The following CASR variants were observed in gnomAD, a reference collection of about 807,000 sequenced individuals.
CASR encodes extracellular calcium-sensing receptor.
Under a neutral mutation model 69.1 loss-of-function variants are expected in CASR, and 23 were observed. The observed-to-expected ratio is 0.33, with a 90% CI of 0.24 to 0.47. The LOEUF is 0.47. Among genes scored for constraint, CASR ranks in the 20% least tolerant of loss-of-function variants. The pLI is 1.00. For synonymous variants in CASR, 541 were observed against 544.7 expected, an observed-to-expected ratio of 0.99 and a Z score of 0.10; for missense variants, 924 against 1,356.1, an observed-to-expected ratio of 0.68 and a Z score of 5.00.
At chr3:122,275,784 C>A in intron 4 of CASR, 28 bp from the exon 5 acceptor site, 2 of 1,471,522 alleles carry the variant, frequency 1.4e-6, no homozygotes, top group Non-Finnish European at 1.9e-6. Flanking sequence ...AGCCCTGGGG[C>A]TTGTACTCAT....
intron 1 of CASR, among the ~76,000 whole-genome samples, chr3:122,235,789 T>C (rs1161808413): frequency 3.9e-5 from 6 of 152,206 alleles, no homozygotes; most frequent in African/African-American, 1.4e-4. Context: ...AGTGAGACCA[T>C]GTCTCTAAAA....
chr3:122,267,900 A>G (rs190632883), intron 4 of CASR, among the ~76,000 whole-genome samples: 3 of 152,364 alleles, frequency 2.0e-5, no homozygotes, highest in Non-Finnish European at 4.4e-5. Context: ...CACAAGCATT[A>G]CACATCTCTA....
intron 1 of CASR, among the ~76,000 whole-genome samples, chr3:122,252,409 A>AGGAAAAAGAAAGAAAGAAAAAGAAAG: frequency 1.5e-4 from 1 of 6,474 alleles, no homozygotes; most frequent in East Asian, 9.6e-4. Context: ...GAAGGAAGGA[A>AGGAAAAAGAAAGAAAGAAAAAGAAAG]AAAGAAAGAA....
In CASR at chr3:122,288,449, C is replaced by T. The variant is rs999644530; in HGVS notation, c.*3258C>T. The T allele has an allele frequency of 1.3e-5, 2 of 152,332 alleles. No homozygotes were observed. Among genetic ancestry groups the T allele is most frequent in the Middle Eastern group, 3.4e-3 (1 of 292 alleles). 9.4% of individuals were successfully genotyped at this position (152,332 alleles called of 1,614,324 possible). A position where few individuals can be genotyped will look rare whatever the true frequency, so the allele number is the denominator to read the frequency against. ...TTATAGTAATTTGTTTCAGCAGCAA[C>T]AGAAAACAAATACATTTGTATTGTT... is the stretch of plus-strand genomic sequence containing the variant. On this transcript the variant is annotated 3_prime_UTR_variant, in exon 7 of 7. Transcript: ENST00000639785.
At chr3:122,249,036 C>T (rs1376378474) in intron 1 of CASR, among the ~76,000 whole-genome samples, 15 of 152,236 alleles carry the variant, frequency 9.9e-5, no homozygotes, top group Admixed American at 9.8e-4. Flanking sequence ...AACCATCAGT[C>T]TCGTGGGGTG....
intron 2 of CASR, among the ~76,000 whole-genome samples, chr3:122,256,229 A>C (rs2074552877): frequency 1.3e-5 from 2 of 152,314 alleles, no homozygotes; most frequent in South Asian, 2.1e-4. Flanking sequence ...CAAAAATGAG[A>C]TCATTCACGT....
At chr3:122,282,944 C>T (rs2074910557) in intron 6 of CASR, among the ~76,000 whole-genome samples, 1 of 152,196 alleles carries the variant, frequency 6.6e-6, no homozygotes, top group South Asian at 2.1e-4. Flanking sequence ...AGATCTCTAA[C>T]TCCAAAACCC....
Position 122,261,926 on chromosome 3 carries a change from G to A in CASR, c.891G>A (p.Glu297=). 6.2e-7 allele frequency: 1 copy of A among 1,614,164 alleles called. No individual in the cohort carries two copies. Reference sequence around the variant, plus strand: ...CGGGCAAGATCTGGCTGGCCAGCGAGGCCTGGGCCAGCTCCTCCCTGATCG... The same window carrying A: ...CGGGCAAGATCTGGCTGGCCAGCGAAGCCTGGGCCAGCTCCTCCCTGATCG... ...NITGKIWLAS[E]AWASSSLIAM... The change falls in exon 4 of 7, where the codon GAG becomes GAA. Residue 297 remains glutamate (E), a synonymous_variant. Coordinates refer to ENST00000639785, the MANE Select transcript of CASR (RefSeq NM_000388.4).
intron 1 of CASR, among the ~76,000 whole-genome samples, chr3:122,189,453 T>C (rs1189545702): frequency 6.6e-6 from 1 of 152,226 alleles, no homozygotes; most frequent in Non-Finnish European, 1.5e-5. Flanking sequence ...TTAAGTAACC[T>C]GAATTAATTT....
At chr3:122,249,833 A>T (rs921286556) in intron 1 of CASR, among the ~76,000 whole-genome samples, 7 of 152,204 alleles carry the variant, frequency 4.6e-5, no homozygotes, top group South Asian at 2.1e-4. Flanking sequence ...AGTAAGAAAA[A>T]ATATATATAA....
intron 1 of CASR, among the ~76,000 whole-genome samples, chr3:122,193,506 C>G (rs931471659): frequency 6.6e-6 from 1 of 152,108 alleles, no homozygotes; most frequent in Admixed American, 6.6e-5. Context: ...CATGAGCCAC[C>G]ATACCCGGCC....
chr3:122,257,454 G>C, intron 3 of CASR, 67 bp downstream of exon 3: 1 of 1,147,750 alleles, frequency 8.7e-7, no homozygotes, highest in Non-Finnish European at 1.3e-6. Context: ...GGGGTGCCAT[G>C]CCCAATAGCC....
chr3:122,252,534 G>A, intron 1 of CASR, among the ~76,000 whole-genome samples: 1 of 150,312 alleles, frequency 6.7e-6, no homozygotes, highest in Non-Finnish European at 1.5e-5. Flanking sequence ...GGCGGGGAGG[G>A]GAGGGGAGAG....
intron 5 of CASR, among the ~76,000 whole-genome samples, chr3:122,276,691 T>C (rs2074825697): frequency 6.6e-6 from 1 of 152,174 alleles, no homozygotes; most frequent in Non-Finnish European, 1.5e-5. Flanking sequence ...CCCGGGCTGC[T>C]GAACTGTAAA....
chr3:122,239,212 C>A (rs1167051229), intron 1 of CASR, among the ~76,000 whole-genome samples: 2 of 152,146 alleles, frequency 1.3e-5, no homozygotes, highest in South Asian at 2.1e-4. Context: ...GAGTCCCAAG[C>A]CTGGCAGCAT....
Position 122,283,823 on chromosome 3 carries a change from C to T in CASR, c.1869C>T (p.Gly623=). Residue 623 remains glycine (G), a synonymous_variant, in exon 7 of 7, where the codon GGC becomes GGT. Coordinates refer to ENST00000639785, the MANE Select transcript of CASR (RefSeq NM_000388.4). The part of the protein sequence containing the change: ...GIALTLFAVL[G]IFLTAFVLGV... ...CACTCACCCTCTTTGCCGTGCTGGGCATTTTCCTGACAGCCTTTGTGCTGG... is the reference window on the plus strand; with the variant it reads ...CACTCACCCTCTTTGCCGTGCTGGGTATTTTCCTGACAGCCTTTGTGCTGG... The T allele has an allele frequency of 1.9e-6, 3 of 1,614,116 alleles. No individual in the cohort carries two copies. The highest frequency in any genetic ancestry group is 1.1e-5 in the South Asian group (1 of 91,076).
chr3:122,261,687 T>C lies in CASR; in HGVS notation c.652T>C (p.Tyr218His), dbSNP rs1057520583. 1 of 1,614,200 alleles carries C rather than the reference T, an allele frequency of 6.2e-7. No homozygotes were observed. The highest frequency in any genetic ancestry group is 1.1e-5 in the South Asian group (1 of 91,084). Residue 218 changes from tyrosine to histidine, a missense_variant, in exon 4 of 7, where the codon TAT (tyrosine) becomes CAT (histidine). Physicochemically the swap from Tyr to His is moderately conservative, Grantham distance 83. Coordinates refer to ENST00000639785, the MANE Select transcript of CASR (RefSeq NM_000388.4). ...GGGCACAATTGCAGCTGATGACGAC[T>C]ATGGGCGGCCGGGGATTGAGAAATT... ...WVGTIAADDD[Y>H]GRPGIEKFRE...
At chr3:122,259,209 G>A (rs2074591265) in intron 3 of CASR, among the ~76,000 whole-genome samples, 1 of 151,990 alleles carries the variant, frequency 6.6e-6, no homozygotes, top group South Asian at 2.1e-4. Flanking sequence ...ATATCCATGA[G>A]GAATATTATT....
chr3:122,262,173 A>G lies in CASR; in HGVS notation c.1138A>G (p.Ser380Gly), dbSNP rs2074634758. The G allele has an allele frequency of 6.2e-7, 1 of 1,614,226 alleles. No homozygotes were observed. The highest frequency in any genetic ancestry group is 8.5e-7 in the Non-Finnish European group (1 of 1,180,040). ...VDTFLRGHEE[S>G]GDRFSNSSTA... ...CACCTTTCTGAGAGGTCACGAAGAA[A>G]GTGGCGACAGGTTTAGCAACAGCTC... Residue 380 changes from serine (S) to glycine (G), a missense_variant, in exon 4 of 7, where the codon AGT (serine) becomes GGT (glycine). By Grantham distance (56) the Ser-to-Gly change is moderately conservative. Transcript: ENST00000639785.
Sources: gnomAD v4.1 joint callset for allele counts (sites outside exome capture counted in the v4.1 genomes callset) on GRCh38, gnomAD v4.1.1 for gene constraint, MANE v1.5 for transcripts, NCBI Gene and HGNC (gene_info 2026-07-23, HGNC 2026-07-21) for gene names.